Variants in SMG6 observed in about 807,000 individuals in gnomAD.
SMG6 encodes telomerase-binding protein EST1A.
In SMG6, 66 loss-of-function variants were observed where a neutral mutation model predicts 142.2. The observed-to-expected ratio is 0.46, with a 90% CI of 0.38 to 0.57. SMG6 has a LOEUF of 0.57. Ranked by LOEUF, SMG6 falls within the 20% of genes least tolerant of loss-of-function variation. The probability of loss-of-function intolerance (pLI) is 0.00; values close to 1 mark genes in which losing one functional copy is unlikely to be tolerated. For synonymous variants in SMG6, 779 were observed against 702.4 expected, an observed-to-expected ratio of 1.11 and a Z score of -1.72; for missense variants, 1,793 against 1,832.0, an observed-to-expected ratio of 0.98 and a Z score of 0.39.
At chr17:2,186,177 G>A (rs1004758568) in intron 12 of SMG6, among the ~76,000 whole-genome samples, 2 of 150,978 alleles carry the variant, frequency 1.3e-5, no homozygotes, top group African/African-American at 2.4e-5. Flanking sequence ...CAGTGAGATC[G>A]CGTCACTGCA....
intron 13 of SMG6, among the ~76,000 whole-genome samples, chr17:2,155,789 T>G (rs143411227): frequency 5.1e-4 from 78 of 152,302 alleles, no homozygotes; most frequent in African/African-American, 1.8e-3. Context: ...AGAGAAAAGG[T>G]CTTTTCATTT....
intron 13 of SMG6, among the ~76,000 whole-genome samples, chr17:2,157,958 T>G (rs2071058857): frequency 6.6e-6 from 1 of 152,228 alleles, no homozygotes; most frequent in Non-Finnish European, 1.5e-5. Flanking sequence ...CAGGTGCATT[T>G]CTAACCAAAG....
At chr17:2,145,089 T>C (rs948356724) in intron 13 of SMG6, among the ~76,000 whole-genome samples, 7 of 152,140 alleles carry the variant, frequency 4.6e-5, no homozygotes, top group Non-Finnish European at 1.0e-4. Context: ...TATATTATAG[T>C]TAGCATTTTA....
chr17:2,127,138 CAAAAAAAAA>C (rs941523968), intron 13 of SMG6, among the ~76,000 whole-genome samples: 46 of 51,282 alleles, frequency 9.0e-4, no homozygotes, highest in African/African-American at 3.0e-3. Flanking sequence ...GACCTTGTCT[CAAAAAAAAA>C]AAAAAAAAAA....
rs11415492 is a variant in SMG6 at position 2,194,707 on chromosome 17, C to CAA, written c.2870-6194_2870-6193dup. 7.2e-3 allele frequency among the ~76,000 whole-genome samples: 1,006 copies of CAA among 139,916 alleles called. 14 individuals are homozygous for CAA. The highest frequency in any genetic ancestry group is 0.026 in the South Asian group (115 of 4,448). The allele number at this position is 139,916 out of a possible 152,430, so 91.8% of individuals were successfully genotyped here. A position where few individuals can be genotyped will look rare whatever the true frequency, so the allele number is the denominator to read the frequency against. ...TCTACCAAAAGAAAAGAAAACAAAA[C>CAA]AAAACAAAAAAAAAAAGAAAGAAAC... On this transcript the variant is annotated intron_variant, in intron 10 of 18. Transcript: ENST00000263073.
intron 8 of SMG6, chr17:2,266,265 T>C (rs1332329527): frequency 4.0e-6 from 3 of 745,544 alleles, no homozygotes; most frequent in Non-Finnish European, 3.3e-6. Flanking sequence ...ACACAGAATA[T>C]ACACACGCAC....
chr17:2,067,665 G>A (rs2067989485), intron 16 of SMG6, among the ~76,000 whole-genome samples: 1 of 152,170 alleles, frequency 6.6e-6, no homozygotes, highest in African/African-American at 2.4e-5. Flanking sequence ...GGCCACATGG[G>A]GAGGGGAAGG....
chr17:2,121,894 G>A (rs186018021), intron 13 of SMG6, among the ~76,000 whole-genome samples: 24 of 152,120 alleles, frequency 1.6e-4, no homozygotes, highest in African/African-American at 2.2e-4. Context: ...AGTGCATGGC[G>A]CAATCTCAGC....
intron 10 of SMG6, among the ~76,000 whole-genome samples, chr17:2,227,541 G>T (rs1369490659): frequency 6.6e-6 from 1 of 152,166 alleles, no homozygotes; most frequent in Non-Finnish European, 1.5e-5. Flanking sequence ...AACATACGGT[G>T]ACAGAAAGCA....
chr17:2,177,375 G>A (rs2071681369), intron 12 of SMG6, among the ~76,000 whole-genome samples: 1 of 149,876 alleles, frequency 6.7e-6, no homozygotes, highest in African/African-American at 2.4e-5. Flanking sequence ...AAGCTCCACT[G>A]GGGCAGGACT....
At chr17:2,064,444 A>G (rs1044595893) in intron 18 of SMG6, among the ~76,000 whole-genome samples, 2 of 152,142 alleles carry the variant, frequency 1.3e-5, no homozygotes, top group African/African-American at 2.4e-5. Context: ...CTTACCCCAA[A>G]AGGTCTTGAA....
intron 13 of SMG6, among the ~76,000 whole-genome samples, chr17:2,128,421 C>T (rs1332561068): frequency 6.6e-6 from 1 of 152,186 alleles, no homozygotes; most frequent in African/African-American, 2.4e-5. Flanking sequence ...ACACTTTCCC[C>T]ACTGCAGAAA....
chr17:2,237,620 C>G, intron 9 of SMG6: 1 of 940,604 alleles, frequency 1.1e-6, no homozygotes, highest in Non-Finnish European at 1.3e-6. Context: ...TGGCCAAGTG[C>G]CACTCCCAAT....
At chr17:2,096,604 C>T (rs2068862595) in intron 13 of SMG6, among the ~76,000 whole-genome samples, 1 of 152,128 alleles carries the variant, frequency 6.6e-6, no homozygotes, top group South Asian at 2.1e-4. Context: ...TATTGGCCTC[C>T]CAAAGTGCTG....
At chr17:2,230,693 G>T (rs570148142) in intron 10 of SMG6, among the ~76,000 whole-genome samples, 1 of 152,162 alleles carries the variant, frequency 6.6e-6, no homozygotes, top group East Asian at 1.9e-4. Flanking sequence ...AGAGTGCCGA[G>T]AGCAGTCTGC....
At chr17:2,153,197 G>A (rs548594342) in intron 13 of SMG6, among the ~76,000 whole-genome samples, 1 of 152,164 alleles carries the variant, frequency 6.6e-6, no homozygotes, top group Non-Finnish European at 1.5e-5. Context: ...ATTAGCTATC[G>A]TTAGTGTTAG....
chr17:2,242,284 G>A (rs1332175463), intron 9 of SMG6, among the ~76,000 whole-genome samples: 5 of 150,692 alleles, frequency 3.3e-5, no homozygotes, highest in South Asian at 2.1e-4. Flanking sequence ...AGGCTGAGGC[G>A]GGTGGACCAC....
intron 10 of SMG6, among the ~76,000 whole-genome samples, chr17:2,191,432 T>A (rs967991251): frequency 6.6e-6 from 1 of 151,818 alleles, no homozygotes; most frequent in African/African-American, 2.4e-5. Context: ...AGCCAACAAG[T>A]GATGTGGGGT....
chr17:2,243,377 C>T (rs569967757), intron 9 of SMG6, among the ~76,000 whole-genome samples: 51 of 152,314 alleles, frequency 3.3e-4, no homozygotes, highest in Middle Eastern at 3.4e-3. Context: ...ATAGCCCCTA[C>T]CTCCACTAAG....
Sources: gnomAD v4.1 joint callset for allele counts (sites outside exome capture counted in the v4.1 genomes callset) on GRCh38, gnomAD v4.1.1 for gene constraint, MANE v1.5 for transcripts, NCBI Gene and HGNC (gene_info 2026-07-23, HGNC 2026-07-21) for gene names.